Variants in SH3BP2 observed in about 807,000 individuals in gnomAD.
The protein encoded by SH3BP2 is SH3 domain binding protein 2.
SH3BP2 carries 38 observed loss-of-function variants against 56.2 expected under a neutral mutation model. That is an observed-to-expected ratio of 0.68 (90% CI 0.52 to 0.89). SH3BP2 has a LOEUF of 0.89. Ranked by LOEUF, SH3BP2 falls within the 40% of genes least tolerant of loss-of-function variation. The pLI, the probability that SH3BP2 is intolerant of heterozygous loss-of-function variation, is 0.00. For missense variants in SH3BP2, 748 were observed against 762.6 expected, an observed-to-expected ratio of 0.98 and a Z score of 0.23; for synonymous variants, 346 against 316.7, an observed-to-expected ratio of 1.09 and a Z score of -0.98.
chr4:2,812,507 C>G, intron 1 of SH3BP2: 1 of 1,542,930 alleles, frequency 6.5e-7, no homozygotes, highest in Non-Finnish European at 8.8e-7. Flanking sequence ...GACTGGGGCT[C>G]GGGAGGCGGC....
chr4:2,812,277 C>T lies in SH3BP2; in HGVS notation c.-4-8337C>T, dbSNP rs573365182. 5.5e-5 allele frequency: 85 copies of T among 1,540,150 alleles called. 1 individual carries two copies. Among genetic ancestry groups the T allele is most frequent in the Non-Finnish European group, 6.5e-5 (74 of 1,141,074 alleles). ...GTCCCGGGTGGGGAGGAAGCACCGG[C>T]GGCCACAGGCCTCAGAAGCAGCAGG... On this transcript the variant is annotated intron_variant, in intron 1 of 12. Transcript: ENST00000503393.
Position 2,832,352 on chromosome 4 carries a change from C to A in SH3BP2, c.1428C>A (p.Pro476=), listed in dbSNP as rs1166999120. ...EVERLFKATS[P]RGEPQDGLYC... ...TTAGGTTGTTCAAGGCTACAAGCCCCCGGGGAGAGCCCCAGGATGGACTCT... is the reference window on the plus strand; with the variant it reads ...TTAGGTTGTTCAAGGCTACAAGCCCACGGGGAGAGCCCCAGGATGGACTCT... The change falls in exon 11 of 13, where the codon CCC becomes CCA. Residue 476 remains proline, a synonymous_variant. Coordinates refer to ENST00000503393, the MANE Select transcript of SH3BP2 (RefSeq NM_001122681.2). The A allele has an allele frequency of 6.2e-7, 1 of 1,614,098 alleles. No homozygotes were observed. The highest frequency in any genetic ancestry group is 1.1e-5 in the South Asian group (1 of 91,082).
rs772346840 is a variant in SH3BP2, at chr4:2,831,642, A to G, written c.1313A>G (p.Asp438Gly). 6.2e-6 allele frequency: 10 copies of G among 1,606,614 alleles called. No individual in the cohort carries two copies. The highest frequency in any genetic ancestry group is 8.5e-6 in the Non-Finnish European group (10 of 1,176,398). Residue 438 changes from aspartate to glycine, a missense_variant, in exon 9 of 13, where the codon GAC becomes GGC. By Grantham distance (94) the Asp-to-Gly change is moderately conservative. This residue lies in a region of SH3BP2 where 635 missense variants were observed against 615.0 expected (regional missense o/e 1.03). Transcript: ENST00000503393. This position sits in a 1 kb window ranked among gnomAD's most constrained non-coding sequence, Gnocchi z 4.1. ...AAGCCCCGGCAACCCTCACAGGCTG[A>G]CACTGGCGGGGACGACTCGGACGAG... Reference protein sequence around the residue: ...FEKPRQPSQADTGGDDSDEDY... With the variant: ...FEKPRQPSQAGTGGDDSDEDY...
chr4:2,820,261 C>G (rs1247618013), intron 1 of SH3BP2, among the ~76,000 whole-genome samples: 1 of 152,228 alleles, frequency 6.6e-6, no homozygotes. Flanking sequence ...CTTACCTGGG[C>G]TGGCAGTTTT....
At chr4:2,806,650 T>A (rs1221274746) in intron 1 of SH3BP2, among the ~76,000 whole-genome samples, 1 of 151,898 alleles carries the variant, frequency 6.6e-6, no homozygotes, top group Non-Finnish European at 1.5e-5. Flanking sequence ...ACCCTCGGCC[T>A]GGAAGCCCGC....
intron 1 of SH3BP2, chr4:2,794,401 C>T (rs1429654581): frequency 6.6e-6 from 1 of 151,956 alleles, no homozygotes; most frequent in African/African-American, 2.4e-5. Context: ...TACGTAGACA[C>T]CGTCGAAGGG....
Position 2,833,980 on chromosome 4 carries a change from C to T in SH3BP2, c.*146C>T. Reference sequence around the variant, plus strand: ...TCTGTGATGGACATCTCGTAGGACCCAGCCAGTCTCATCCAGCAGGTTGGG... The same window carrying T: ...TCTGTGATGGACATCTCGTAGGACCTAGCCAGTCTCATCCAGCAGGTTGGG... On this transcript the variant is annotated 3_prime_UTR_variant, in exon 13 of 13. Transcript: ENST00000503393. 2.1e-6 allele frequency: 2 copies of T among 963,768 alleles called. No homozygotes were observed. The highest frequency in any genetic ancestry group is 3.4e-5 in the South Asian group (2 of 58,922). The allele number at this position is 963,768 out of a possible 1,614,324, so 59.7% of individuals were successfully genotyped here. A position where few individuals can be genotyped will look rare whatever the true frequency, so the allele number is the denominator to read the frequency against.
chr4:2,812,457 G>A (rs773782022), intron 1 of SH3BP2: 1 of 1,550,214 alleles, frequency 6.5e-7, no homozygotes, highest in South Asian at 1.2e-5. Flanking sequence ...GGAGGGCCAT[G>A]TGTTGGGTCA....
chr4:2,825,728 C>T lies in SH3BP2; in HGVS notation c.428+532C>T, dbSNP rs902258030. ...TTAGGGGATCATGTGTGTTTATACGCCTGCCACCAGGGAGGCCTGGCATGG... is the reference window on the plus strand; with the variant it reads ...TTAGGGGATCATGTGTGTTTATACGTCTGCCACCAGGGAGGCCTGGCATGG... On this transcript the variant is annotated intron_variant, in intron 5 of 12. Coordinates refer to ENST00000503393, the MANE Select transcript of SH3BP2 (RefSeq NM_001122681.2). Among the ~76,000 whole-genome samples the T allele has an allele frequency of 3.3e-5, 5 of 152,352 alleles. No homozygotes were observed. The South Asian group carries it at 8.3e-4, about 25-fold the overall frequency.
chr4:2,802,450 A>G lies in SH3BP2; in HGVS notation c.-5+9312A>G, dbSNP rs7378145. ...TGTGTGTGTGTGTGTGTGTATGTAT[A>G]TATGTGTGTGTATATATGTGTATGT... On this transcript the variant is annotated intron_variant, in intron 1 of 12. Transcript: ENST00000503393. Among the ~76,000 whole-genome samples the G allele has an allele frequency of 2.0e-3, 232 of 115,272 alleles. 3 individuals carry two copies. The highest frequency in any genetic ancestry group is 6.0e-3 in the African/African-American group (217 of 35,938). The allele number at this position is 115,272 out of a possible 152,430, so 75.6% of individuals were successfully genotyped here.
chr4:2,808,564 C>T (rs979053729), intron 1 of SH3BP2, among the ~76,000 whole-genome samples: 1 of 151,998 alleles, frequency 6.6e-6, no homozygotes, highest in Non-Finnish European at 1.5e-5. Context: ...TCCGAGTTCC[C>T]GGGAATCCTC....
intron 3 of SH3BP2, chr4:2,823,440 T>A (rs1724417287): frequency 2.2e-6 from 1 of 459,950 alleles, no homozygotes; most frequent in East Asian, 6.8e-5. Context: ...AAACAGAGGC[T>A]GGGCCCTAGG....
chr4:2,822,432 C>T (rs1335527406), intron 2 of SH3BP2, among the ~76,000 whole-genome samples: 1 of 152,090 alleles, frequency 6.6e-6, no homozygotes, highest in Non-Finnish European at 1.5e-5. Flanking sequence ...TGCAGTAGCA[C>T]GATCTTGGCT....
chr4:2,811,540 C>T (rs905808455), intron 1 of SH3BP2, among the ~76,000 whole-genome samples: 5 of 152,204 alleles, frequency 3.3e-5, no homozygotes, highest in African/African-American at 1.2e-4. Context: ...TGGGCCTGGG[C>T]AGGGCACTGG....
At chr4:2,827,487 A>C in intron 6 of SH3BP2, 119 bp from the exon 7 acceptor site, 1 of 1,221,424 alleles carries the variant, frequency 8.2e-7, no homozygotes, top group Non-Finnish European at 1.2e-6. Flanking sequence ...GTCTGGACTC[A>C]CAGTCCTCCC....
chr4:2,818,248 C>T, intron 1 of SH3BP2: 2 of 992,422 alleles, frequency 2.0e-6, no homozygotes, highest in Admixed American at 6.1e-5. Context: ...GCCGCGGCCG[C>T]GGAGCTGGGG....
Position 2,831,615 on chromosome 4 carries a change from A to C in SH3BP2, c.1286A>C (p.Glu429Ala), listed in dbSNP as rs1238358144. The C allele has an allele frequency of 1.2e-6, 2 of 1,604,442 alleles. No individual in the cohort carries two copies. Residue 429 changes from glutamate (E) to alanine (A), a missense_variant, in exon 9 of 13, where the codon GAA becomes GCA. Coordinates refer to ENST00000503393, the MANE Select transcript of SH3BP2 (RefSeq NM_001122681.2). This position sits in a 1 kb window ranked among gnomAD's most constrained non-coding sequence, Gnocchi z 4.1. ...DGQSFRSFSF[E>A]KPRQPSQADT... ...CAGAGTTTCAGGAGCTTCTCCTTTG[A>C]AAAGCCCCGGCAACCCTCACAGGCT...
chr4:2,809,817 C>T (rs1465327020), intron 1 of SH3BP2: 5 of 985,508 alleles, frequency 5.1e-6, no homozygotes, highest in Non-Finnish European at 4.8e-6. Flanking sequence ...CTGGCTGGCT[C>T]CCACTCATCC....
chr4:2,832,986 G>A lies in SH3BP2; in HGVS notation c.1489-4G>A, dbSNP rs773486194. ...GCCGTCAGCCTCCCGCTTCCGTCCT[G>A]TAGGTCCTGGTTGTGTGGGACGAAA... is the stretch of plus-strand genomic sequence containing the variant. On this transcript the variant is annotated splice_polypyrimidine_tract_variant and splice_region_variant and intron_variant, in intron 11 of 12. Transcript: ENST00000503393. 3 of 1,614,188 alleles carry A rather than the reference G, an allele frequency of 1.9e-6. No individual in the cohort carries two copies. Among genetic ancestry groups the A allele is most frequent in the Admixed American group, 3.3e-5 (2 of 60,026 alleles).
Sources: gnomAD v4.1 joint callset for allele counts (sites outside exome capture counted in the v4.1 genomes callset) on GRCh38, gnomAD v4.1.1 for gene constraint, gnomAD v4.1.1 regional missense constraint, Gnocchi (gnomAD v3.1) non-coding constraint, MANE v1.5 for transcripts, NCBI Gene and HGNC (gene_info 2026-07-23, HGNC 2026-07-21) for gene names.